The following RANBP2 variants were observed in gnomAD, a reference collection of about 807,000 sequenced individuals.
The protein encoded by RANBP2 is RAN binding protein 2.
Under a neutral mutation model 303.6 loss-of-function variants are expected in RANBP2, and 57 were observed. The ratio of observed to expected loss-of-function variants is 0.19; its 90% CI spans 0.15 to 0.23. The LOEUF (loss-of-function observed/expected upper bound fraction) is 0.23. RANBP2 is among the 10% of genes least tolerant of loss of function. The pLI, the probability that RANBP2 is intolerant of heterozygous loss-of-function variation, is 1.00. For synonymous variants in RANBP2, 1,167 were observed against 1,301.5 expected (o/e 0.90, Z 2.23); for missense variants, 3,138 against 3,780.8 (o/e 0.83, Z 4.46).
At chr2:109,399,448 G>GT in the RANBP2 span, among the ~76,000 whole-genome samples, 830 of 147,654 alleles carry the variant, frequency 5.6e-3, 2 homozygotes, top group African/African-American at 0.016. Flanking sequence ...ATTTCCACTA[G>GT]TTTTTTTTTT....
the RANBP2 span, among the ~76,000 whole-genome samples, chr2:109,444,050 C>A: frequency 6.6e-6 from 1 of 152,260 alleles, no homozygotes; most frequent in Non-Finnish European, 1.5e-5. Flanking sequence ...ACTACATTCC[C>A]TGACCACAGT....
the RANBP2 span, among the ~76,000 whole-genome samples, chr2:108,905,604 C>T: frequency 4.6e-5 from 7 of 152,072 alleles, no homozygotes; most frequent in Non-Finnish European, 7.4e-5. Context: ...TCCCGCTGCC[C>T]GGCCAGATCA....
chr2:109,318,145 A>G, the RANBP2 span, among the ~76,000 whole-genome samples: 1 of 151,544 alleles, frequency 6.6e-6, no homozygotes, highest in African/African-American at 2.4e-5. Flanking sequence ...TTCTAGGGAC[A>G]TTGAGAGACT....
chr2:109,641,061 T>C, the RANBP2 span, among the ~76,000 whole-genome samples: 1 of 152,300 alleles, frequency 6.6e-6, no homozygotes, highest in East Asian at 1.9e-4. Context: ...AAATATAGAC[T>C]GGGCTGAGTA....
the RANBP2 span, among the ~76,000 whole-genome samples, chr2:108,795,114 A>G: frequency 5.1e-4 from 63 of 122,956 alleles, no homozygotes; most frequent in African/African-American, 1.8e-3. Flanking sequence ...ACATTTGCTT[A>G]TTATCTGCCT....
the RANBP2 span, among the ~76,000 whole-genome samples, chr2:109,236,846 A>G: frequency 1.2e-4 from 19 of 152,224 alleles, no homozygotes; most frequent in African/African-American, 4.3e-4. Flanking sequence ...AATTGCAGGT[A>G]CAGTCTCCGG....
chr2:109,659,533 C>T, the RANBP2 span, among the ~76,000 whole-genome samples: 7 of 152,272 alleles, frequency 4.6e-5, no homozygotes, highest in Non-Finnish European at 8.8e-5. Context: ...TTCGCATGGA[C>T]GGTGAGAGCA....
chr2:109,142,126 C>T, the RANBP2 span, among the ~76,000 whole-genome samples: 6 of 152,012 alleles, frequency 3.9e-5, no homozygotes, highest in East Asian at 5.8e-4. Flanking sequence ...AGTCACCTAC[C>T]GGGTGGGGTC....
chr2:108,834,127 C>T, the RANBP2 span, among the ~76,000 whole-genome samples: 1 of 151,556 alleles, frequency 6.6e-6, no homozygotes, highest in Non-Finnish European at 1.5e-5. Flanking sequence ...ATTGGGGTTC[C>T]AAGTGTTTCC....
chr2:109,773,474 TAG>T, the RANBP2 span, among the ~76,000 whole-genome samples: 3 of 71,506 alleles, frequency 4.2e-5, no homozygotes, highest in Non-Finnish European at 8.1e-5. Flanking sequence ...GGAATCTGTG[TAG>T]ATACTTTGGG....
chr2:109,442,892 C>T, the RANBP2 span, among the ~76,000 whole-genome samples: 1 of 152,138 alleles, frequency 6.6e-6, no homozygotes, highest in South Asian at 2.1e-4. Context: ...CTAAATAACC[C>T]TAAATATAAT....
the RANBP2 span, among the ~76,000 whole-genome samples, chr2:109,635,379 C>T: frequency 1.3e-5 from 2 of 152,176 alleles, no homozygotes; most frequent in African/African-American, 2.4e-5. Flanking sequence ...GACAGGGTTT[C>T]ACAATGTTGG....
the RANBP2 span, chr2:109,141,670 C>T: frequency 1.9e-5 from 3 of 154,922 alleles, no homozygotes; most frequent in South Asian, 6.1e-4. Context: ...AACAGTGTGT[C>T]TTGACAGAAG....
intron 1 of RANBP2, among the ~76,000 whole-genome samples, chr2:108,721,007 C>T (rs1423873675): frequency 4.6e-5 from 7 of 152,158 alleles, no homozygotes; most frequent in African/African-American, 1.7e-4. Flanking sequence ...CGAGATCGCG[C>T]TACTGCACTC....
At chr2:109,564,558 GAAC>G in the RANBP2 span, 7 of 1,459,098 alleles carry the variant, frequency 4.8e-6, no homozygotes, top group Non-Finnish European at 6.4e-6. Context: ...AATAAGAAAA[GAAC>G]AACACTGGAT....
At chr2:109,169,706 A>G in the RANBP2 span, among the ~76,000 whole-genome samples, 1 of 151,464 alleles carries the variant, frequency 6.6e-6, no homozygotes, top group Admixed American at 6.6e-5. Flanking sequence ...CTCTCTCTCT[A>G]TATATATCTA....
intron 18 of RANBP2, among the ~76,000 whole-genome samples, chr2:108,760,089 C>T (rs1676619475): frequency 6.6e-6 from 1 of 151,898 alleles, no homozygotes; most frequent in South Asian, 2.1e-4. Context: ...ATTCTTTTTC[C>T]TTAATAAAAG....
the RANBP2 span, among the ~76,000 whole-genome samples, chr2:109,555,931 A>C: frequency 6.6e-6 from 1 of 152,082 alleles, no homozygotes; most frequent in South Asian, 2.1e-4. Flanking sequence ...GTTAGAATTA[A>C]CTGTTCCTTC....
the RANBP2 span, among the ~76,000 whole-genome samples, chr2:109,242,031 C>A: frequency 6.6e-6 from 1 of 152,112 alleles, no homozygotes; most frequent in East Asian, 1.9e-4. Flanking sequence ...CTTTCCCAGT[C>A]CTTCGTCCTG....
Sources: gnomAD v4.1 joint callset for allele counts (sites outside exome capture counted in the v4.1 genomes callset) on GRCh38, gnomAD v4.1.1 for gene constraint, MANE v1.5 for transcripts, NCBI Gene and HGNC (gene_info 2026-07-23, HGNC 2026-07-21) for gene names.